The following BMP6 variants were observed in gnomAD, a reference collection of about 807,000 sequenced individuals.
BMP6 encodes the protein bone morphogenetic protein 6.
A neutral mutation model predicts 54.1 loss-of-function variants in BMP6; 17 were observed. The ratio of observed to expected loss-of-function variants is 0.31; its 90% confidence interval spans 0.22 to 0.47. The LOEUF (loss-of-function observed/expected upper bound fraction) is 0.47, where lower values mean the gene tolerates loss of function less well. Among genes scored for constraint, BMP6 ranks in the 20% least tolerant of loss-of-function variants. The pLI is 1.00. For synonymous variants in BMP6, 328 were observed against 291.2 expected, an observed-to-expected ratio of 1.13 and a Z score of -1.28; for missense variants, 720 against 690.4, an observed-to-expected ratio of 1.04 and a Z score of -0.48.
chr6:7,833,869 G>A (rs1198706353), intron 1 of BMP6, among the ~76,000 whole-genome samples: 1 of 152,312 alleles, frequency 6.6e-6, no homozygotes, highest in Admixed American at 6.5e-5. Flanking sequence ...AAGTATTGCA[G>A]AGTAGATCAT....
Position 7,783,340 on chromosome 6 carries a change from A to G in BMP6, c.664+55721A>G, listed in dbSNP as rs115197743. Among the ~76,000 whole-genome samples the G allele has an allele frequency of 3.7e-3, 559 of 152,376 alleles. 1 individual carries two copies. Among genetic ancestry groups the G allele is most frequent in the African/African-American group, 0.013 (543 of 41,592 alleles). On this transcript the variant is annotated intron_variant, in intron 1 of 6. Transcript: ENST00000283147. Reference sequence around the variant, plus strand: ...ATTAAATGAGATAACATGTAAAGTTATCCGGAGCAGTTGCTGTTCCTGTCC... The same window carrying G: ...ATTAAATGAGATAACATGTAAAGTTGTCCGGAGCAGTTGCTGTTCCTGTCC...
intron 1 of BMP6, among the ~76,000 whole-genome samples, chr6:7,787,802 G>C (rs1303912840): frequency 6.6e-6 from 1 of 152,202 alleles, no homozygotes; most frequent in Non-Finnish European, 1.5e-5. Flanking sequence ...TTTCATTATA[G>C]TAATAACAAG....
At position 7,784,233 on chromosome 6, in the gene BMP6, A is replaced by T. The variant is rs1357785302; in HGVS notation, c.664+56614A>T. Among the ~76,000 whole-genome samples the T allele has an allele frequency of 2.6e-5, 4 of 152,234 alleles. No individual in the cohort carries two copies. In the East Asian group the frequency reaches 5.8e-4, roughly 22 times the overall value. On this transcript the variant is annotated intron_variant, in intron 1 of 6. Coordinates refer to ENST00000283147, the MANE Select transcript of BMP6 (RefSeq NM_001718.6). ...CCAGTTTCCTTTTGTGATTGTTGACATTTTTTTACGTTTCATCATTAAATT... is the reference window on the plus strand; with the variant it reads ...CCAGTTTCCTTTTGTGATTGTTGACTTTTTTTTACGTTTCATCATTAAATT...
At chr6:7,840,764 T>A (rs1758956079) in intron 1 of BMP6, among the ~76,000 whole-genome samples, 1 of 152,142 alleles carries the variant, frequency 6.6e-6, no homozygotes, top group South Asian at 2.1e-4. Context: ...GTAAGGTCAT[T>A]ATCATTTCAA....
chr6:7,783,480 A>G (rs1008175556), intron 1 of BMP6, among the ~76,000 whole-genome samples: 1 of 152,326 alleles, frequency 6.6e-6, no homozygotes, highest in African/African-American at 2.4e-5. Flanking sequence ...CTATAGAAAC[A>G]TGCTTTCTTT....
chr6:7,857,742 C>T (rs753628773), intron 2 of BMP6, among the ~76,000 whole-genome samples: 1 of 152,222 alleles, frequency 6.6e-6, no homozygotes, highest in Non-Finnish European at 1.5e-5. Flanking sequence ...CCTGAGGAAA[C>T]ATTAGTACAT....
At chr6:7,845,365 G>T in intron 2 of BMP6, 33 bp downstream of exon 2, 2 of 1,574,774 alleles carry the variant, frequency 1.3e-6, no homozygotes, top group Non-Finnish European at 1.7e-6. Flanking sequence ...CAAAGGTGGG[G>T]CTGGCCCCTG....
At chr6:7,752,193 AC>A (rs1246246705) in intron 1 of BMP6, among the ~76,000 whole-genome samples, 1 of 152,182 alleles carries the variant, frequency 6.6e-6, no homozygotes, top group Non-Finnish European at 1.5e-5. Context: ...CAGCTACTCA[AC>A]TCTGTCATGG....
rs542997723 is a variant in BMP6 at position 7,786,959 on chromosome 6, C to T, written c.665-58181C>T. Among the ~76,000 whole-genome samples, 13 of 152,270 alleles carry T rather than the reference C, an allele frequency of 8.5e-5. No individual in the cohort carries two copies. In the South Asian group the frequency reaches 1.7e-3, roughly 19 times the overall value. ...ATAATTAAGATCCACAGATGATCCC[C>T]GAATCCTGGTAATGATTTTCACATC... On this transcript the variant is annotated intron_variant, in intron 1 of 6. Coordinates refer to ENST00000283147, the MANE Select transcript of BMP6 (RefSeq NM_001718.6).
intron 1 of BMP6, 70 bp downstream of exon 1, chr6:7,727,689 A>C: frequency 7.1e-7 from 1 of 1,411,668 alleles, no homozygotes; most frequent in Non-Finnish European, 9.2e-7. Flanking sequence ...CAGGGGATGG[A>C]GTGAGGGGGT....
chr6:7,866,806 T>C (rs376780801), intron 4 of BMP6, among the ~76,000 whole-genome samples: 3 of 152,238 alleles, frequency 2.0e-5, no homozygotes, highest in Admixed American at 1.3e-4. Context: ...CAGCAGCCTC[T>C]TGAGACACTG....
chr6:7,837,167 C>T (rs986592563), intron 1 of BMP6, among the ~76,000 whole-genome samples: 1 of 152,120 alleles, frequency 6.6e-6, no homozygotes, highest in Non-Finnish European at 1.5e-5. Flanking sequence ...TATGTTAAAT[C>T]GATTGCTCTG....
intron 4 of BMP6, among the ~76,000 whole-genome samples, chr6:7,864,678 C>G (rs1759391019): frequency 6.6e-6 from 1 of 152,114 alleles, no homozygotes; most frequent in Non-Finnish European, 1.5e-5. Context: ...GGATGTGGAG[C>G]TTGAGGATCC....
intron 1 of BMP6, among the ~76,000 whole-genome samples, chr6:7,759,252 G>C (rs746550692): frequency 1.3e-5 from 2 of 152,132 alleles, no homozygotes. Flanking sequence ...CAGGAACGTG[G>C]TGTCCCCAGG....
intron 1 of BMP6, among the ~76,000 whole-genome samples, chr6:7,781,596 G>A (rs529542219): frequency 6.6e-6 from 1 of 151,618 alleles, no homozygotes; most frequent in African/African-American, 2.4e-5. Context: ...TTCATTCATT[G>A]TTTCATCCCC....
intron 2 of BMP6, among the ~76,000 whole-genome samples, chr6:7,860,386 C>T (rs982240931): frequency 6.6e-6 from 1 of 152,164 alleles, no homozygotes; most frequent in African/African-American, 2.4e-5. Flanking sequence ...AAATATAGCC[C>T]TCCCTGTCAT....
At position 7,879,035 on chromosome 6, in the gene BMP6, CATCTTTTGATGGGTGCATCTTTTG is replaced by C; in HGVS notation, c.1205-34_1205-11del. The stretch of plus-strand genomic sequence containing the variant: ...GAAGGAATTAATGAGTTGATGGGTG[CATCTTTTGATGGGTGCATCTTTTG>C]ATCTCCTCCAACAGATTACAACAGC... On this transcript the variant is annotated splice_polypyrimidine_tract_variant and intron_variant, in intron 4 of 6. Coordinates refer to ENST00000283147, the MANE Select transcript of BMP6 (RefSeq NM_001718.6). 6.4e-7 allele frequency: 1 copy of C among 1,569,834 alleles called. No individual in the cohort carries two copies. The highest frequency in any genetic ancestry group is 8.8e-7 in the Non-Finnish European group (1 of 1,140,584).
At chr6:7,824,459 A>G (rs979642813) in intron 1 of BMP6, among the ~76,000 whole-genome samples, 1 of 152,172 alleles carries the variant, frequency 6.6e-6, no homozygotes, top group African/African-American at 2.4e-5. Flanking sequence ...TTGATAAACA[A>G]TAGAGGGAGG....
intron 1 of BMP6, among the ~76,000 whole-genome samples, chr6:7,814,431 A>G (rs1417408137): frequency 1.3e-5 from 2 of 150,988 alleles, no homozygotes. Context: ...TATTTCTTCC[A>G]CTCCCCGATT....
Sources: gnomAD v4.1 joint callset for allele counts (sites outside exome capture counted in the v4.1 genomes callset) on GRCh38, gnomAD v4.1.1 for gene constraint, MANE v1.5 for transcripts, NCBI Gene and HGNC (gene_info 2026-07-23, HGNC 2026-07-21) for gene names.